Variants in CNTNAP2 observed in about 807,000 individuals in gnomAD.
CNTNAP2 encodes the protein contactin-associated protein-like 2.
A neutral mutation model predicts 155.2 loss-of-function variants in CNTNAP2; 98 were observed. The observed-to-expected ratio is 0.63, with a 90% CI of 0.54 to 0.75. The LOEUF (loss-of-function observed/expected upper bound fraction) is 0.75, where lower values mean the gene tolerates loss of function less well. CNTNAP2 is among the 30% of genes least tolerant of loss of function. The pLI is 0.00. For synonymous variants in CNTNAP2, 651 were observed against 631.2 expected (o/e 1.03, Z -0.47); for missense variants, 1,727 against 1,688.1 (o/e 1.02, Z -0.40).
chr7:147,160,724 ATTG>A (rs1425115861), intron 8 of CNTNAP2, among the ~76,000 whole-genome samples: 1 of 152,112 alleles, frequency 6.6e-6, no homozygotes. Context: ...ACTTATTTTT[ATTG>A]TTGTTGAGGA....
chr7:146,580,830 C>A, intron 1 of CNTNAP2, among the ~76,000 whole-genome samples: 1 of 152,068 alleles, frequency 6.6e-6, no homozygotes, highest in East Asian at 1.9e-4. Context: ...CTAGGTCAGT[C>A]TGTGCCTGGA....
At chr7:147,094,756 C>T (rs1245709466) in intron 4 of CNTNAP2, among the ~76,000 whole-genome samples, 1 of 152,018 alleles carries the variant, frequency 6.6e-6, no homozygotes, top group African/African-American at 2.4e-5. Flanking sequence ...AAAAATGTTC[C>T]TACGTTTTTA....
intron 9 of CNTNAP2, among the ~76,000 whole-genome samples, chr7:147,347,459 TATATATATATATATATGC>T (rs1563169352): frequency 0.017 from 768 of 44,722 alleles, 11 homozygotes; most frequent in Non-Finnish European, 0.026. Context: ...TATATATGCA[TATATATATATATATATGC>T]ATATATATAT....
intron 9 of CNTNAP2, among the ~76,000 whole-genome samples, chr7:147,379,510 G>T (rs1248344268): frequency 6.6e-6 from 1 of 151,970 alleles, no homozygotes; most frequent in Non-Finnish European, 1.5e-5. Flanking sequence ...AAAGATACCA[G>T]CTTGGAACCA....
intron 1 of CNTNAP2, among the ~76,000 whole-genome samples, chr7:146,627,818 C>A (rs757227106): frequency 1.3e-4 from 20 of 152,074 alleles, no homozygotes; most frequent in Admixed American, 3.3e-4. Context: ...CTGTTTTTCT[C>A]CTCAAGGAAG....
intron 1 of CNTNAP2, among the ~76,000 whole-genome samples, chr7:146,124,320 CAT>C (rs1161442792): frequency 6.6e-6 from 1 of 152,010 alleles, no homozygotes; most frequent in Admixed American, 6.6e-5. Context: ...ACAGAAAACA[CAT>C]GTGGATTAAA....
intron 11 of CNTNAP2, among the ~76,000 whole-genome samples, chr7:147,496,376 TA>T (rs1382284374): frequency 6.6e-6 from 1 of 152,192 alleles, no homozygotes; most frequent in East Asian, 1.9e-4. Flanking sequence ...ATTTCTGAAG[TA>T]AGGAGAACTG....
chr7:146,235,846 A>G (rs1000961707), intron 1 of CNTNAP2, among the ~76,000 whole-genome samples: 2 of 152,168 alleles, frequency 1.3e-5, no homozygotes, highest in East Asian at 1.9e-4. Context: ...GCCTTCTTAT[A>G]AAAACCAAAT....
At chr7:148,198,422 G>C (rs1315422712) in intron 18 of CNTNAP2, among the ~76,000 whole-genome samples, 5 of 152,184 alleles carry the variant, frequency 3.3e-5, no homozygotes, top group Non-Finnish European at 7.3e-5. Context: ...ACTGCCTTGA[G>C]TGCTTTTAAG....
chr7:147,739,364 C>T (rs549980888), intron 13 of CNTNAP2, among the ~76,000 whole-genome samples: 14 of 152,254 alleles, frequency 9.2e-5, no homozygotes, highest in African/African-American at 3.4e-4. Flanking sequence ...CTTGTTCATT[C>T]TCACTTTCCC....
chr7:148,111,745 C>T (rs1180800564), intron 15 of CNTNAP2, among the ~76,000 whole-genome samples: 1 of 152,288 alleles, frequency 6.6e-6, no homozygotes, highest in East Asian at 1.9e-4. Flanking sequence ...CAGTTGCTTT[C>T]CCGGTAGCAG....
At chr7:147,363,951 G>T (rs1051648874) in intron 9 of CNTNAP2, among the ~76,000 whole-genome samples, 5 of 152,138 alleles carry the variant, frequency 3.3e-5, no homozygotes, top group Non-Finnish European at 7.4e-5. Context: ...TCTGTCAACA[G>T]TTGGCGTATG....
At chr7:148,123,565 C>A (rs1156993301) in intron 16 of CNTNAP2, among the ~76,000 whole-genome samples, 1 of 151,278 alleles carries the variant, frequency 6.6e-6, no homozygotes, top group Admixed American at 6.6e-5. Context: ...CAGCTGTACC[C>A]CCTAGCCTGA....
chr7:147,704,461 T>G (rs1796280035), intron 13 of CNTNAP2: 1 of 166,004 alleles, frequency 6.0e-6, no homozygotes, highest in South Asian at 1.8e-4. Flanking sequence ...CCAAAGCCAC[T>G]GGGTAGTGGA....
intron 15 of CNTNAP2, among the ~76,000 whole-genome samples, chr7:148,045,259 G>A (rs1423729429): frequency 1.3e-5 from 2 of 151,990 alleles, no homozygotes; most frequent in East Asian, 1.9e-4. Flanking sequence ...AGACCTCAGG[G>A]CCTAAGACTT....
chr7:148,257,822 A>T (rs1213103507), intron 20 of CNTNAP2, among the ~76,000 whole-genome samples: 1 of 152,100 alleles, frequency 6.6e-6, no homozygotes, highest in African/African-American at 2.4e-5. Flanking sequence ...GATGTCAATA[A>T]AATGCTATGA....
intron 13 of CNTNAP2, among the ~76,000 whole-genome samples, chr7:147,729,476 TG>T (rs1796703425): frequency 6.7e-6 from 1 of 150,312 alleles, no homozygotes; most frequent in African/African-American, 2.4e-5. Flanking sequence ...GATGGATCAA[TG>T]GCAAAGATGA....
At chr7:146,456,068 G>A (rs1382063736) in intron 1 of CNTNAP2, among the ~76,000 whole-genome samples, 1 of 152,024 alleles carries the variant, frequency 6.6e-6, no homozygotes, top group Non-Finnish European at 1.5e-5. Flanking sequence ...AAAAAAGGGG[G>A]AAATGTTTAT....
intron 2 of CNTNAP2, among the ~76,000 whole-genome samples, chr7:146,805,988 G>A (rs903414612): frequency 6.6e-6 from 1 of 152,014 alleles, no homozygotes; most frequent in Non-Finnish European, 1.5e-5. Flanking sequence ...AGTCATTGTC[G>A]ACACAAGATA....
Sources: allele counts gnomAD v4.1 joint callset (sites outside exome capture counted in the v4.1 genomes callset), GRCh38; gene constraint gnomAD v4.1.1; transcripts MANE v1.5; gene names NCBI Gene and HGNC (gene_info 2026-07-23, HGNC 2026-07-21).